CUBN: variants seen among roughly 807,000 people sequenced by gnomAD.
The protein encoded by CUBN is 460 kDa receptor.
In CUBN, 282 loss-of-function variants were observed where a neutral mutation model predicts 405.3. The ratio of observed to expected loss-of-function variants is 0.70; its 90% confidence interval spans 0.63 to 0.77. The LOEUF is 0.77. Among genes scored for constraint, CUBN ranks in the 30% least tolerant of loss-of-function variants. The pLI, the probability that CUBN is intolerant of heterozygous loss-of-function variation, is 0.00. For synonymous variants in CUBN, 1,684 were observed against 1,617.0 expected, an observed-to-expected ratio of 1.04 and a Z score of -0.99; for missense variants, 4,514 against 4,475.2, an observed-to-expected ratio of 1.01 and a Z score of -0.25.
chr10:16,899,056 G>T lies in CUBN; in HGVS notation c.8538C>A (p.Ser2846Arg), dbSNP rs753632608. 5 of 1,613,662 alleles carry T rather than the reference G, an allele frequency of 3.1e-6. No homozygotes were observed. Among genetic ancestry groups the T allele is most frequent in the Non-Finnish European group, 4.2e-6 (5 of 1,179,564 alleles). The part of the protein sequence containing the change: ...ITHKSKHLEI[S>R]FDNNFLIPSG... ...TGGGGATTAGGAAGTTGTTGTCAAA[G>T]CTGATCTCCAAGTGTTTACTTTTGT... The change falls in exon 54 of 67, where the codon AGC becomes AGA. Residue 2846 changes from serine (S) to arginine (R), a missense_variant. Around this residue, in one of 5 missense-constraint regions of CUBN, gnomAD observed 1,186 missense variants for 1,186.9 expected, o/e 1.00. Transcript: ENST00000377833.
At position 16,840,952 on chromosome 10, in the gene CUBN, C is replaced by A; in HGVS notation, c.9759G>T (p.Thr3253=). The A allele has an allele frequency of 1.2e-6, 2 of 1,613,692 alleles. No individual in the cohort carries two copies. The highest frequency in any genetic ancestry group is 1.7e-6 in the Non-Finnish European group (2 of 1,179,776). The change falls in exon 61 of 67, where the codon ACG becomes ACT. Residue 3253 remains threonine (T), a synonymous_variant. Transcript: ENST00000377833. The stretch of plus-strand genomic sequence containing the variant: ...ATGTTAAGTCACTGATGAATTGAAC[C>A]GTAAGGAAGTTACCAGAAGAGATAA... ...APFISSGNFL[T]VQFISDLTLE...
At chr10:16,874,609 T>A in intron 57 of CUBN, 106 bp from the exon 58 acceptor site, 1 of 1,244,648 alleles carries the variant, frequency 8.0e-7, no homozygotes, top group Non-Finnish European at 1.1e-6. Context: ...CTAAAAGAGG[T>A]AATAATTATT....
intron 35 of CUBN, 151 bp downstream of exon 35, chr10:16,948,327 G>A (rs369423984): frequency 9.5e-6 from 9 of 948,104 alleles, no homozygotes; most frequent in South Asian, 1.4e-5. Flanking sequence ...TTGACAACAC[G>A]ATCACTTAAT....
chr10:17,022,490 T>C (rs1044312676), intron 27 of CUBN, among the ~76,000 whole-genome samples: 1 of 152,104 alleles, frequency 6.6e-6, no homozygotes, highest in Non-Finnish European at 1.5e-5. Flanking sequence ...AAGCCTCCCC[T>C]ATAATGAATA....
In CUBN at chr10:16,851,222, A is replaced by G; in HGVS notation, c.9663+13T>C. On this transcript the variant is annotated intron_variant, in intron 60 of 66. Coordinates refer to ENST00000377833, the MANE Select transcript of CUBN (RefSeq NM_001081.4). The stretch of plus-strand genomic sequence containing the variant: ...GATGAATAGACTCTGTTAAAAAAAT[A>G]AAACAGCCTTACCTTTACATAATCA... 6.2e-7 allele frequency: 1 copy of G among 1,601,382 alleles called. No individual in the cohort carries two copies. The highest frequency in any genetic ancestry group is 2.2e-5 in the East Asian group (1 of 44,802).
intron 31 of CUBN, among the ~76,000 whole-genome samples, chr10:16,965,268 C>T (rs1843355821): frequency 6.6e-6 from 1 of 152,230 alleles, no homozygotes; most frequent in African/African-American, 2.4e-5. Flanking sequence ...CAAAACAACT[C>T]AGTGCACAGC....
intron 31 of CUBN, among the ~76,000 whole-genome samples, chr10:16,956,791 C>T (rs941836403): frequency 5.9e-5 from 9 of 151,974 alleles, no homozygotes; most frequent in African/African-American, 1.7e-4. Context: ...ATAATTTATT[C>T]ATTTATTTGT....
chr10:16,827,661 G>A (rs1838823978), intron 66 of CUBN, among the ~76,000 whole-genome samples: 2 of 152,208 alleles, frequency 1.3e-5, no homozygotes, highest in Non-Finnish European at 2.9e-5. Context: ...GAGTGGAGTG[G>A]CGCCATCTCG....
intron 39 of CUBN, among the ~76,000 whole-genome samples, chr10:16,935,023 C>T (rs1249903937): frequency 6.6e-6 from 1 of 152,194 alleles, no homozygotes; most frequent in Non-Finnish European, 1.5e-5. Flanking sequence ...TGACCCTAGT[C>T]CACAGTAAGC....
intron 58 of CUBN, among the ~76,000 whole-genome samples, chr10:16,870,410 A>C (rs2131368823): frequency 6.6e-6 from 1 of 152,344 alleles, no homozygotes; most frequent in Non-Finnish European, 1.5e-5. Flanking sequence ...ATTTACATTT[A>C]AGACCTCTGT....
chr10:16,880,277 T>C (rs181871888), intron 56 of CUBN, among the ~76,000 whole-genome samples: 131 of 152,340 alleles, frequency 8.6e-4, no homozygotes, highest in African/African-American at 2.9e-3. Context: ...CCATGGTTGA[T>C]TGATTGACTG....
chr10:17,079,882 T>A (rs1564506980), intron 17 of CUBN, among the ~76,000 whole-genome samples: 1 of 152,152 alleles, frequency 6.6e-6, no homozygotes, highest in South Asian at 2.1e-4. Flanking sequence ...TTTGTGAATT[T>A]GCATTCATCT....
intron 59 of CUBN, among the ~76,000 whole-genome samples, chr10:16,862,446 T>A (rs978816983): frequency 6.6e-6 from 1 of 152,146 alleles, no homozygotes; most frequent in African/African-American, 2.4e-5. Context: ...TCATGCTACA[T>A]CTGGTAGGGC....
At chr10:16,892,045 C>T (rs550599099) in intron 54 of CUBN, among the ~76,000 whole-genome samples, 37 of 152,254 alleles carry the variant, frequency 2.4e-4, no homozygotes, top group East Asian at 3.9e-4. Flanking sequence ...CAAGGATATT[C>T]CTCACCCACA....
Position 16,992,785 on chromosome 10 carries a change from G to GT in CUBN, c.4169-2271dup, listed in dbSNP as rs1236959268. 1.6e-4 allele frequency among the ~76,000 whole-genome samples: 24 copies of GT among 152,190 alleles called. No homozygotes were observed. In the East Asian group the frequency reaches 4.6e-3, roughly 29 times the overall value. ...CAATATCTTTCCTGTGTCCTAAAAAGTTCCGGCTTTTATTTCTAAAGCCTA... is the reference window on the plus strand; with the variant it reads ...CAATATCTTTCCTGTGTCCTAAAAAGTTTCCGGCTTTTATTTCTAAAGCCTA... On this transcript the variant is annotated intron_variant, in intron 28 of 66. Coordinates refer to ENST00000377833, the MANE Select transcript of CUBN (RefSeq NM_001081.4).
intron 31 of CUBN, among the ~76,000 whole-genome samples, chr10:16,970,798 CTTT>C (rs1473495377): frequency 3.3e-5 from 5 of 152,156 alleles, no homozygotes; most frequent in African/African-American, 1.2e-4. Context: ...ATCTCAGTAT[CTTT>C]TTTATTTTTT....
chr10:16,870,940 T>C (rs1323550744), intron 58 of CUBN, among the ~76,000 whole-genome samples: 1 of 152,244 alleles, frequency 6.6e-6, no homozygotes, highest in Non-Finnish European at 1.5e-5. Flanking sequence ...CTTTAGAGTT[T>C]TGTGGTGGGT....
intron 59 of CUBN, among the ~76,000 whole-genome samples, chr10:16,854,704 T>C (rs1328313445): frequency 6.6e-6 from 1 of 152,230 alleles, no homozygotes. Flanking sequence ...TATTAACTGT[T>C]ACTAATAAGT....
At chr10:16,881,257 G>C (rs1474550067) in intron 56 of CUBN, among the ~76,000 whole-genome samples, 1 of 152,206 alleles carries the variant, frequency 6.6e-6, no homozygotes, top group Non-Finnish European at 1.5e-5. Flanking sequence ...AGAGTTAGTT[G>C]TTAAGTTGTG....
Sources: gnomAD v4.1 joint callset for allele counts (sites outside exome capture counted in the v4.1 genomes callset) on GRCh38, gnomAD v4.1.1 for gene constraint, gnomAD v4.1.1 regional missense constraint, MANE v1.5 for transcripts, NCBI Gene and HGNC (gene_info 2026-07-23, HGNC 2026-07-21) for gene names.